The following ANKRD30BL variants were observed in gnomAD, a reference collection of about 807,000 sequenced individuals.
ANKRD30BL encodes the protein ankyrin repeat domain 30B like.
A neutral mutation model predicts 18.4 loss-of-function variants in ANKRD30BL; 20 were observed. The observed-to-expected ratio is 1.09, with a 90% CI of 0.77 to 1.58. The LOEUF (loss-of-function observed/expected upper bound fraction) is 1.58, where lower values mean the gene tolerates loss of function less well. Ranked by LOEUF, ANKRD30BL falls within the 40% of genes most tolerant of loss-of-function variation. ANKRD30BL has a pLI of 0.00. For synonymous variants in ANKRD30BL, 72 were observed against 100.9 expected (o/e 0.71, Z 1.72); for missense variants, 224 against 268.6 (o/e 0.83, Z 1.16).
At position 132,223,302 on chromosome 2, in the gene ANKRD30BL, G is replaced by A. The variant is rs576817494; in HGVS notation, n.441+34227C>T. On this transcript the variant is annotated intron_variant and non_coding_transcript_variant, in intron 1 of 4. Coordinates refer to the ANKRD30BL transcript ENST00000470729. ...ATATTCACATAAACACTAGACAGAAGCATTCTCACAAACTTCTTTGTGATG... is the reference window on the plus strand; with the variant it reads ...ATATTCACATAAACACTAGACAGAAACATTCTCACAAACTTCTTTGTGATG... Among the ~76,000 whole-genome samples, 185 of 152,170 alleles carry A rather than the reference G, an allele frequency of 1.2e-3. 2 individuals carry two copies. The South Asian group carries it at 0.022, about 18-fold the overall frequency.
intron 1 of ANKRD30BL, among the ~76,000 whole-genome samples, chr2:132,246,695 A>T (rs1403072241): frequency 6.6e-6 from 1 of 151,796 alleles, no homozygotes; most frequent in East Asian, 1.9e-4. Flanking sequence ...CTTGCATTCA[A>T]CTCACTGACT....
chr2:132,210,897 C>T (rs796189543), intron 1 of ANKRD30BL, among the ~76,000 whole-genome samples: 1 of 138,506 alleles, frequency 7.2e-6, no homozygotes, highest in South Asian at 2.4e-4. Flanking sequence ...CTAAAAACTA[C>T]ACAGAAGCAT....
In ANKRD30BL at chr2:132,148,131, C is replaced by T. The variant is rs761775763; in HGVS notation, c.777G>A (p.Ter259=). The part of the protein sequence containing the change: ...ESLVERTPDE[*] Reference sequence around the variant, plus strand: ...TCTTTGAAGAGGAATTCACTGTATCCTATTCATCAGGTGTTCTTTCCACCA... The same window carrying T: ...TCTTTGAAGAGGAATTCACTGTATCTTATTCATCAGGTGTTCTTTCCACCA... The change falls in exon 6 of 6, where the codon TAG becomes TAA. Residue 259 remains the stop codon, a stop_retained_variant. Coordinates refer to ENST00000409867, the MANE Select transcript of ANKRD30BL (RefSeq NM_001358416.1). The T allele has an allele frequency of 6.3e-7, 1 of 1,579,082 alleles. No homozygotes were observed. The highest frequency in any genetic ancestry group is 8.6e-7 in the Non-Finnish European group (1 of 1,158,242).
At chr2:132,178,578 T>A (rs1688403118) in intron 1 of ANKRD30BL, among the ~76,000 whole-genome samples, 1 of 152,070 alleles carries the variant, frequency 6.6e-6, no homozygotes, top group Non-Finnish European at 1.5e-5. Flanking sequence ...TCTGTCTACA[T>A]CATGCCAAGC....
In ANKRD30BL at chr2:132,235,080, A is replaced by C. The variant is rs541492862; in HGVS notation, n.441+22449T>G. 4.1e-3 allele frequency among the ~76,000 whole-genome samples: 628 copies of C among 151,616 alleles called. 2 individuals are homozygous for C. Among genetic ancestry groups the C allele is most frequent in the African/African-American group, 0.014 (566 of 41,506 alleles). Reference sequence around the variant, plus strand: ...CCAGCATATAAACAGAGCCAAAGACAAAAAACCACATGATTATCTCAATAG... The same window carrying C: ...CCAGCATATAAACAGAGCCAAAGACCAAAAACCACATGATTATCTCAATAG... On this transcript the variant is annotated intron_variant and non_coding_transcript_variant, in intron 1 of 4. Coordinates refer to the ANKRD30BL transcript ENST00000470729.
rs578056984 is a variant in ANKRD30BL at position 132,229,121 on chromosome 2, A to T, written n.441+28408T>A. Among the ~76,000 whole-genome samples the T allele has an allele frequency of 3.3e-5, 5 of 152,222 alleles. No individual in the cohort carries two copies. In the South Asian group the frequency reaches 1.0e-3, roughly 32 times the overall value. On this transcript the variant is annotated intron_variant and non_coding_transcript_variant, in intron 1 of 4. Transcript: ENST00000470729. ...GAAAAATGAAATATCTTCATGTAAA[A>T]AGTACATAGAAGAATTCTGAGAAAC... is the stretch of plus-strand genomic sequence containing the variant.
In ANKRD30BL at chr2:132,187,158, G is replaced by A. The variant is rs112148393; in HGVS notation, n.442-30012C>T. ...AAACTTTGTAATCTAATCATGCATC[G>A]TAGGAAGTTTTTTGTTTTTTTTTTT... On this transcript the variant is annotated intron_variant and non_coding_transcript_variant, in intron 1 of 4. Coordinates refer to the ANKRD30BL transcript ENST00000470729. 9.1e-3 allele frequency among the ~76,000 whole-genome samples: 1,312 copies of A among 144,862 alleles called. 25 individuals carry two copies. The highest frequency in any genetic ancestry group is 0.031 in the African/African-American group (1,196 of 38,996).
chr2:132,233,404 A>T (rs1475175559), intron 1 of ANKRD30BL, among the ~76,000 whole-genome samples: 1 of 142,750 alleles, frequency 7.0e-6, no homozygotes, highest in Non-Finnish European at 1.5e-5. Context: ...TTGGATAAAG[A>T]GTCAAGACCC....
At chr2:132,220,838 T>G (rs1199980030) in intron 1 of ANKRD30BL, among the ~76,000 whole-genome samples, 5 of 147,144 alleles carry the variant, frequency 3.4e-5, no homozygotes, top group African/African-American at 1.3e-4. Flanking sequence ...GTCTGGGATA[T>G]GAGGAGCTCC....
At chr2:132,177,291 C>A (rs1173134297) in intron 1 of ANKRD30BL, among the ~76,000 whole-genome samples, 2 of 151,952 alleles carry the variant, frequency 1.3e-5, no homozygotes, top group African/African-American at 2.4e-5. Flanking sequence ...GTAGCTTGGA[C>A]TACAAGTGTG....
At chr2:132,190,479 C>T (rs1678824861) in intron 1 of ANKRD30BL, among the ~76,000 whole-genome samples, 2 of 151,246 alleles carry the variant, frequency 1.3e-5, no homozygotes, top group South Asian at 2.1e-4. Context: ...GAATCATTTC[C>T]AGGATAGAGT....
chr2:132,170,454 C>G (rs959676343), intron 1 of ANKRD30BL, among the ~76,000 whole-genome samples: 1 of 152,234 alleles, frequency 6.6e-6, no homozygotes, highest in African/African-American at 2.4e-5. Flanking sequence ...TCCCGAGGCT[C>G]CACCTCAGTG....
chr2:132,200,215 T>C (rs1458124736), intron 1 of ANKRD30BL, among the ~76,000 whole-genome samples: 1 of 151,554 alleles, frequency 6.6e-6, no homozygotes, highest in African/African-American at 2.4e-5. Flanking sequence ...CTGGAAGCAT[T>C]CCCTTTGAAA....
chr2:132,217,546 T>A (rs1679541605), intron 1 of ANKRD30BL, among the ~76,000 whole-genome samples: 1 of 152,118 alleles, frequency 6.6e-6, no homozygotes, highest in Non-Finnish European at 1.5e-5. Flanking sequence ...ACTCTTTTAG[T>A]AGAATCTGCA....
chr2:132,167,612 C>T (rs910346579), intron 1 of ANKRD30BL, among the ~76,000 whole-genome samples: 6 of 152,140 alleles, frequency 3.9e-5, no homozygotes, highest in African/African-American at 1.4e-4. Flanking sequence ...CCTGGCCTGC[C>T]TCCTCTTATT....
At chr2:132,229,441 G>A (rs1292855842) in intron 1 of ANKRD30BL, among the ~76,000 whole-genome samples, 2 of 152,004 alleles carry the variant, frequency 1.3e-5, no homozygotes, top group African/African-American at 2.4e-5. Flanking sequence ...TCATGGAAAA[G>A]GTAATATCAT....
Position 132,229,758 on chromosome 2 carries a change from G to A in ANKRD30BL, n.441+27771C>T, listed in dbSNP as rs1573869092. On this transcript the variant is annotated intron_variant and non_coding_transcript_variant, in intron 1 of 4. Transcript: ENST00000470729. ...TAGAAACTGCAAGTGGACATTTGGA[G>A]AAATTTGAGGACTATGGTGGGAAAG... Among the ~76,000 whole-genome samples, 5 of 151,924 alleles carry A rather than the reference G, an allele frequency of 3.3e-5. No individual in the cohort carries two copies. The East Asian group carries it at 9.7e-4, about 30-fold the overall frequency.
chr2:132,250,899 AC>A (rs1217040531), intron 1 of ANKRD30BL, among the ~76,000 whole-genome samples: 1 of 152,172 alleles, frequency 6.6e-6, no homozygotes, highest in Non-Finnish European at 1.5e-5. Flanking sequence ...TTATTCAATC[AC>A]TTTTCATTTT....
At chr2:132,231,893 GACAA>G (rs1323821222) in intron 1 of ANKRD30BL, among the ~76,000 whole-genome samples, 1 of 152,220 alleles carries the variant, frequency 6.6e-6, no homozygotes, top group Non-Finnish European at 1.5e-5. Flanking sequence ...GAAGGGCACA[GACAA>G]ACAAAAAGCA....
Sources: allele counts gnomAD v4.1 joint callset (sites outside exome capture counted in the v4.1 genomes callset), GRCh38; gene constraint gnomAD v4.1.1; transcripts MANE v1.5; gene names NCBI Gene and HGNC (gene_info 2026-07-23, HGNC 2026-07-21).